Variants in CACNA1F observed in about 807,000 individuals in gnomAD.
The protein encoded by CACNA1F is voltage-dependent L-type calcium channel subunit alpha-1F.
A neutral mutation model predicts 143.8 loss-of-function variants in CACNA1F; 59 were observed. The observed-to-expected ratio is 0.41, with a 90% CI of 0.33 to 0.51. CACNA1F has a LOEUF of 0.51. Ranked by LOEUF, CACNA1F falls within the 20% of genes least tolerant of loss-of-function variation. CACNA1F has a pLI of 0.22. For missense variants in CACNA1F, 1,411 were observed against 1,647.5 expected (o/e 0.86, Z 2.48); for synonymous variants, 643 against 649.1 (o/e 0.99, Z 0.14).
chrX:49,223,063 G>A lies in CACNA1F; in HGVS notation c.1951C>T (p.Leu651Phe). The A allele has an allele frequency of 8.4e-7, 1 of 1,195,160 alleles. No homozygotes were observed. The highest frequency in any genetic ancestry group is 1.1e-6 in the Non-Finnish European group (1 of 883,378). The change falls in exon 15 of 48, where the codon CTC (leucine) becomes TTC (phenylalanine). Residue 651 changes from leucine (L) to phenylalanine (F), a missense_variant. Physicochemically the swap from Leu to Phe is conservative, Grantham distance 22. This residue lies in a region of CACNA1F where 950 missense variants were observed against 1,128.1 expected (regional missense o/e 0.84). Transcript: ENST00000323022. ...AAGATAATGATGAAGAGGAAGAGGA[G>A]AAGCAGCAAGGATGCGATGGATTTC... ...SMKSIASLLLLLFLFIIIFSL... is the reference protein window; with the variant it reads ...SMKSIASLLLFLFLFIIIFSL...
rs1419912500 is a variant in CACNA1F at position 49,222,737 on chromosome X, A to C, written c.2187T>G (p.Ile729Met). 3 of 1,209,402 alleles carry C rather than the reference A, an allele frequency of 2.5e-6. No individual in the cohort carries two copies. The African/African-American group carries it at 5.3e-5, about 21-fold the overall frequency. ...GGATACAGTTGCCACAGATGAAGAG[A>C]ATGATGAAATAGATGCACACCAACA... ...PGMLVCIYFI[I>M]LFICGNYILL... The change falls in exon 16 of 48, where the codon ATT becomes ATG. Residue 729 changes from isoleucine (I) to methionine (M), a missense_variant. Ile to Met is a conservative substitution (Grantham distance 10). Around this residue, in one of 3 missense-constraint regions of CACNA1F, gnomAD observed 950 missense variants for 1,128.1 expected, o/e 0.84. Transcript: ENST00000323022.
In CACNA1F at chrX:49,230,502, A is replaced by C. The variant is rs781916588; in HGVS notation, c.629T>G (p.Val210Gly). 2.5e-6 allele frequency: 3 copies of C among 1,207,684 alleles called. No homozygotes were observed. The highest frequency in any genetic ancestry group is 3.4e-6 in the Non-Finnish European group (3 of 893,822). Residue 210 changes from valine to glycine, a missense_variant, in exon 5 of 48, where the codon GTG (valine) becomes GGG (glycine). By Grantham distance (109) the Val-to-Gly change is moderately radical. Coordinates refer to ENST00000323022, the MANE Select transcript of CACNA1F (RefSeq NM_001256789.3). ...FDVKALRAFR[V>G]LRPLRLVSGV... ...AGACACCAGCCTCAGTGGCCGCAGC[A>C]CCCGAAACGCCCTCAATGCCTTCAC...
chrX:49,216,287 C>A (rs1425466904), intron 27 of CACNA1F, 95 bp downstream of exon 27: 3 of 953,493 alleles, frequency 3.1e-6, no homozygotes. Flanking sequence ...GTCACATCCC[C>A]AAGGTACACT....
intron 3 of CACNA1F, 78 bp downstream of exon 3, chrX:49,231,124 G>C: frequency 1.2e-6 from 1 of 818,801 alleles, no homozygotes; most frequent in Admixed American, 2.6e-5. Context: ...CAGAGAGGGG[G>C]CGGGGTCTGG....
rs146516514 is a variant in CACNA1F, at chrX:49,219,750, C to A, written c.2427G>T (p.Glu809Asp). The change falls in exon 20 of 48, where the codon GAG (glutamate) becomes GAT (aspartate). Residue 809 changes from glutamate to aspartate, a missense_variant. Physicochemically the swap from Glu to Asp is conservative, Grantham distance 45. Around this residue, in one of 3 missense-constraint regions of CACNA1F, gnomAD observed 950 missense variants for 1,128.1 expected, o/e 0.84. Coordinates refer to ENST00000323022, the MANE Select transcript of CACNA1F (RefSeq NM_001256789.3). ...CCCCTGCACCCTCTTCCTCTTCTTCCTCTTCTTCCTCTTCTTCCTCCTCCT... is the reference window on the plus strand; with the variant it reads ...CCCCTGCACCCTCTTCCTCTTCTTCATCTTCTTCCTCTTCTTCCTCCTCCT... ...EEEEEEEEEE[E>D]EEEEEGAGGV... is the part of the protein sequence containing the mutation. 4 of 1,122,612 alleles carry A rather than the reference C, an allele frequency of 3.6e-6. No individual in the cohort carries two copies. In the African/African-American group the frequency reaches 8.1e-5, roughly 23 times the overall value. 92.5% of individuals were successfully genotyped at this position (1,122,612 alleles called of 1,213,427 possible).
Position 49,215,460 on chromosome X carries a change from A to G in CACNA1F, c.3320T>C (p.Ile1107Thr), listed in dbSNP as rs2065703637. ...GAACGCAATGATGATGATGTAGACAATGAAGAACACTGAGATCTCCACACG... is the reference window on the plus strand; with the variant it reads ...GAACGCAATGATGATGATGTAGACAGTGAAGAACACTGAGATCTCCACACG... ...NYRVEISVFF[I>T]VYIIIIAFFM... Residue 1107 changes from isoleucine (I) to threonine (T), a missense_variant, in exon 28 of 48, where the codon ATT becomes ACT. This residue lies in a region of CACNA1F where 950 missense variants were observed against 1,128.1 expected (regional missense o/e 0.84). Transcript: ENST00000323022. The G allele has an allele frequency of 8.3e-7, 1 of 1,203,184 alleles. No homozygotes were observed. The highest frequency in any genetic ancestry group is 1.1e-6 in the Non-Finnish European group (1 of 889,186).
rs143938580 is a variant in CACNA1F, at chrX:49,223,035, G to C, written c.1979C>G (p.Ser660Cys). The change falls in exon 15 of 48, where the codon TCC becomes TGC. Residue 660 changes from serine (S) to cysteine (C), a missense_variant. This residue lies in a region of CACNA1F where 950 missense variants were observed against 1,128.1 expected (regional missense o/e 0.84). Transcript: ENST00000323022. ...CCCAAACAGCTGCATGCCAAGCAGG[G>C]AGAAGATAATGATGAAGAGGAAGAG... is the stretch of plus-strand genomic sequence containing the variant. Reference protein sequence around the residue: ...LLLFLFIIIFSLLGMQLFGGK... With the variant: ...LLLFLFIIIFCLLGMQLFGGK... 875 of 1,199,364 alleles carry C rather than the reference G, an allele frequency of 7.3e-4. 6 individuals carry two copies. The East Asian group carries it at 0.013, about 18-fold the overall frequency.
At position 49,228,419 on chromosome X, in the gene CACNA1F, G is replaced by T; in HGVS notation, c.846C>A (p.Pro282=). 8.3e-7 allele frequency: 1 copy of T among 1,207,434 alleles called. No homozygotes were observed. The highest frequency in any genetic ancestry group is 3.0e-5 in the East Asian group (1 of 33,628). The change falls in exon 7 of 48, where the codon CCC becomes CCA. Residue 282 remains proline, a synonymous_variant. Coordinates refer to ENST00000323022, the MANE Select transcript of CACNA1F (RefSeq NM_001256789.3). Reference sequence around the variant, plus strand: ...CACGCCCTGATCCCGAAGACGCACAGGGCGATGGGTCCTCCTCCGCTTCCA... The same window carrying T: ...CACGCCCTGATCCCGAAGACGCACATGGCGATGGGTCCTCCTCCGCTTCCA... ...SDMEAEEDPS[P]CASSGSGRAC...
At position 49,226,689 on chromosome X, in the gene CACNA1F, G is replaced by A. The variant is rs782593082; in HGVS notation, c.1290C>T (p.Ala430=). 310 of 1,175,120 alleles carry A rather than the reference G, an allele frequency of 2.6e-4. No homozygotes were observed. The South Asian group carries it at 5.3e-3, about 20-fold the overall frequency. The change falls in exon 10 of 48, where the codon GCC becomes GCT. Residue 430 remains alanine, a synonymous_variant. Transcript: ENST00000323022. ...GTCCACGCCTCCTATTGGTCAGCTCGGCCAGCTGTGGCCCTGCAGGGAGAG... is the reference window on the plus strand; with the variant it reads ...GTCCACGCCTCCTATTGGTCAGCTCAGCCAGCTGTGGCCCTGCAGGGAGAG... ...SADDNLGPQL[A]ELTNRRRGRL... is the part of the protein sequence containing the mutation.
In CACNA1F at chrX:49,228,250, C is replaced by G; in HGVS notation, c.1014+1G>C. ...AGCTCTGTGCCCACAGTCCACCTCA[C>G]CCAGTAGAGCACATCGGTCCAGCCT... On this transcript the variant is annotated splice_donor_variant, in intron 7 of 47. Coordinates refer to ENST00000323022, the MANE Select transcript of CACNA1F (RefSeq NM_001256789.3). LOFTEE classifies it high-confidence loss of function. 1 of 1,209,773 alleles carries G rather than the reference C, an allele frequency of 8.3e-7. No individual in the cohort carries two copies. The highest frequency in any genetic ancestry group is 1.1e-6 in the Non-Finnish European group (1 of 893,370).
chrX:49,208,757 C>A, intron 42 of CACNA1F, 73 bp from the exon 43 acceptor site: 1 of 941,770 alleles, frequency 1.1e-6, no homozygotes, highest in South Asian at 2.0e-5. Flanking sequence ...ACATGTCTCC[C>A]CCACAGGTCC....
intron 43 of CACNA1F, 84 bp downstream of exon 43, chrX:49,208,431 C>CCA: frequency 1.1e-5 from 7 of 611,282 alleles, no homozygotes; most frequent in East Asian, 3.9e-5. Context: ...CCACCCCCCT[C>CCA]AACTTCCTGC....
intron 13 of CACNA1F, 145 bp from the exon 14 acceptor site, chrX:49,225,131 G>A (rs781887463): frequency 3.9e-6 from 2 of 509,412 alleles, no homozygotes; most frequent in East Asian, 3.7e-5. Context: ...AGGGATTGGG[G>A]TGAGTTTGTA....
intron 6 of CACNA1F, among the ~76,000 whole-genome samples, chrX:49,228,650 C>T (rs1557110628): frequency 8.9e-6 from 1 of 112,454 alleles, no homozygotes; most frequent in African/African-American, 3.2e-5. Flanking sequence ...CCACAACTTC[C>T]GCCTCCCGGG....
chrX:49,205,261 T>C lies in CACNA1F; in HGVS notation c.5777A>G (p.Asp1926Gly). 1.7e-6 allele frequency: 2 copies of C among 1,208,985 alleles called. No homozygotes were observed. The highest frequency in any genetic ancestry group is 3.5e-5 in the South Asian group (2 of 56,819). Residue 1926 changes from aspartate to glycine, a missense_variant, in exon 48 of 48, where the codon GAC becomes GGC. Asp to Gly is a moderately conservative substitution (Grantham distance 94, BLOSUM62 -1). Coordinates refer to ENST00000323022, the MANE Select transcript of CACNA1F (RefSeq NM_001256789.3). ...TGCCAGCAGGTCACTGGCAGCATTG[T>C]CCATCTCATCCAGCGTCAGGCGACA... ...DACRLTLDEM[D>G]NAASDLLAQG...
chrX:49,226,660 A>G lies in CACNA1F; in HGVS notation c.1319T>C (p.Leu440Pro), dbSNP rs2065828137. ...AELTNRRRGR[L>P]RWFSHSTRST... The stretch of plus-strand genomic sequence containing the variant: ...GCGAGTAGAATGACTGAACCAGCGC[A>G]GACGTCCACGCCTCCTATTGGTCAG... The change falls in exon 10 of 48, where the codon CTG (leucine) becomes CCG (proline). Residue 440 changes from leucine to proline, a missense_variant. Physicochemically the swap from Leu to Pro is moderately conservative, Grantham distance 98. Transcript: ENST00000323022. The G allele has an allele frequency of 1.5e-5, 18 of 1,182,422 alleles. No individual in the cohort carries two copies. Among genetic ancestry groups the G allele is most frequent in the Non-Finnish European group, 2.0e-5 (18 of 881,225 alleles).
At chrX:49,210,724 C>A (rs1557106038) in intron 37 of CACNA1F, 38 bp from the exon 38 acceptor site, 1 of 1,055,284 alleles carries the variant, frequency 9.5e-7, no homozygotes, top group Admixed American at 2.3e-5. Flanking sequence ...ATTGGCGATG[C>A]CCCCACTAGC....
intron 1 of CACNA1F, among the ~76,000 whole-genome samples, chrX:49,232,194 G>A (rs1445315411): frequency 1.8e-5 from 2 of 111,380 alleles, no homozygotes; most frequent in Non-Finnish European, 3.8e-5. Context: ...AATTGCCATG[G>A]GGTGGGCGAA....
intron 44 of CACNA1F, 47 bp downstream of exon 44, chrX:49,206,958 C>T: frequency 1.8e-6 from 2 of 1,103,869 alleles, no homozygotes; most frequent in Non-Finnish European, 2.5e-6. Flanking sequence ...CCCACCCCTC[C>T]TCCACCCCAG....
Sources: allele counts gnomAD v4.1 joint callset (sites outside exome capture counted in the v4.1 genomes callset), GRCh38; gene constraint gnomAD v4.1.1; regional missense constraint gnomAD v4.1.1; transcripts MANE v1.5; gene names NCBI Gene and HGNC (gene_info 2026-07-23, HGNC 2026-07-21).